The following RNFT2 variants were observed in gnomAD, a reference collection of about 807,000 sequenced individuals.
RNFT2 encodes the protein ring finger protein, transmembrane 2.
Under a neutral mutation model 53.0 loss-of-function variants are expected in RNFT2, and 36 were observed. That is an observed-to-expected ratio of 0.68 (90% confidence interval 0.52 to 0.90). The LOEUF is 0.90. Ranked by LOEUF, RNFT2 falls within the 40% of genes least tolerant of loss-of-function variation. The pLI is 0.00. For synonymous variants in RNFT2, 260 were observed against 253.2 expected (o/e 1.03, Z -0.26); for missense variants, 514 against 585.6 (o/e 0.88, Z 1.26).
intron 6 of RNFT2, among the ~76,000 whole-genome samples, chr12:116,774,179 T>TC (rs1873320629): frequency 6.6e-6 from 1 of 152,008 alleles, no homozygotes; most frequent in Non-Finnish European, 1.5e-5. Flanking sequence ...GGGTACAGAG[T>TC]CTCAGCTTTG....
chr12:116,814,044 A>T (rs1875514657), intron 7 of RNFT2, among the ~76,000 whole-genome samples: 1 of 152,218 alleles, frequency 6.6e-6, no homozygotes, highest in South Asian at 2.1e-4. Flanking sequence ...TAAGCAGAGG[A>T]AACGGGGCCT....
chr12:116,848,026 A>G (rs1877705883), intron 10 of RNFT2, among the ~76,000 whole-genome samples: 1 of 151,616 alleles, frequency 6.6e-6, no homozygotes, highest in African/African-American at 2.4e-5. Context: ...AGGCCCCAGT[A>G]TGTTGTTCCC....
intron 10 of RNFT2, among the ~76,000 whole-genome samples, chr12:116,843,452 C>A (rs1257962057): frequency 1.5e-5 from 2 of 129,120 alleles, no homozygotes; most frequent in Non-Finnish European, 3.1e-5. Flanking sequence ...TTAATCACAC[C>A]ACTGCACTCC....
At chr12:116,758,136 A>G (rs1872574595) in intron 5 of RNFT2, among the ~76,000 whole-genome samples, 1 of 152,210 alleles carries the variant, frequency 6.6e-6, no homozygotes, top group South Asian at 2.1e-4. Flanking sequence ...TGATATAAGA[A>G]TAGCTACCCC....
rs2137234902 is a variant in RNFT2, at chr12:116,852,793, C to T, written c.*3345C>T. 1.4e-6 allele frequency: 2 copies of T among 1,430,754 alleles called. No homozygotes were observed. The highest frequency in any genetic ancestry group is 2.3e-5 in the East Asian group (1 of 43,972). The allele number at this position is 1,430,754 out of a possible 1,614,324, so 88.6% of individuals were successfully genotyped here. A position where few individuals can be genotyped will look rare whatever the true frequency, so the allele number is the denominator to read the frequency against. Reference sequence around the variant, plus strand: ...ATTACTTTGGGAAGTCACTCAGCCTCCCTGTAGCCATCTCCAGGGTGACGG... The same window carrying T: ...ATTACTTTGGGAAGTCACTCAGCCTTCCTGTAGCCATCTCCAGGGTGACGG... On this transcript the variant is annotated 3_prime_UTR_variant, in exon 11 of 11. Transcript: ENST00000257575.
chr12:116,768,728 T>TTCTC (rs745642693), intron 6 of RNFT2, among the ~76,000 whole-genome samples: 7,117 of 148,678 alleles, frequency 0.048, 315 homozygotes, highest in African/African-American at 0.11. Context: ...TTTTTTATTT[T>TTCTC]TCTCTCTCTT....
At chr12:116,848,879 G>A (rs1409358173) in intron 10 of RNFT2, among the ~76,000 whole-genome samples, 1 of 152,022 alleles carries the variant, frequency 6.6e-6, no homozygotes, top group Non-Finnish European at 1.5e-5. Flanking sequence ...GAGTGCAGTG[G>A]CACAAACTCA....
At chr12:116,847,494 T>C (rs115079194) in intron 10 of RNFT2, among the ~76,000 whole-genome samples, 1,614 of 152,078 alleles carry the variant, frequency 0.011, 37 homozygotes, top group African/African-American at 0.037. Context: ...GTGGAACCCA[T>C]TGGTCTTTCC....
In RNFT2 at chr12:116,746,818, G is replaced by A. The variant is rs74442896; in HGVS notation, c.84-3023G>A. Among the ~76,000 whole-genome samples the A allele has an allele frequency of 9.8e-3, 1,491 of 152,270 alleles. 36 individuals carry two copies. The highest frequency in any genetic ancestry group is 0.034 in the African/African-American group (1,401 of 41,548). ...AGACCATGGGAAGGAACACAGAATG[G>A]GAAGCCCTGGGAGGGCTTTTAGTGG... On this transcript the variant is annotated intron_variant, in intron 3 of 10. Transcript: ENST00000257575.
intron 7 of RNFT2, among the ~76,000 whole-genome samples, chr12:116,794,573 G>A (rs1874396748): frequency 6.7e-6 from 1 of 150,324 alleles, no homozygotes; most frequent in South Asian, 2.1e-4. Context: ...ACTCCAGCCT[G>A]GGTGACAGAG....
chr12:116,764,739 A>G (rs928268218), intron 5 of RNFT2, among the ~76,000 whole-genome samples: 1 of 152,154 alleles, frequency 6.6e-6, no homozygotes, highest in Non-Finnish European at 1.5e-5. Context: ...TAAAAATACA[A>G]AAATTAGCTG....
At chr12:116,753,152 T>TC (rs1555258971) in intron 4 of RNFT2, among the ~76,000 whole-genome samples, 5 of 122,524 alleles carry the variant, frequency 4.1e-5, no homozygotes, top group Admixed American at 2.4e-4. Context: ...CTTTTTCTTT[T>TC]TTTTTTTTTT....
intron 5 of RNFT2, among the ~76,000 whole-genome samples, chr12:116,756,095 T>G (rs1347130107): frequency 6.6e-6 from 1 of 152,146 alleles, no homozygotes; most frequent in African/African-American, 2.4e-5. Context: ...TTTCTAATTC[T>G]GTGAAGAATG....
At chr12:116,774,023 T>C (rs566883295) in intron 6 of RNFT2, among the ~76,000 whole-genome samples, 11 of 152,348 alleles carry the variant, frequency 7.2e-5, no homozygotes, top group Admixed American at 2.0e-4. Flanking sequence ...GAGGACATTT[T>C]GTGAATTGAA....
chr12:116,790,915 C>A (rs563528196), intron 7 of RNFT2, among the ~76,000 whole-genome samples: 4 of 152,252 alleles, frequency 2.6e-5, no homozygotes, highest in Admixed American at 2.6e-4. Context: ...GAACCCTGAT[C>A]GCAGCACTGC....
At position 116,852,627 on chromosome 12, in the gene RNFT2, C is replaced by G; in HGVS notation, c.*3179C>G. 1 of 1,613,864 alleles carries G rather than the reference C, an allele frequency of 6.2e-7. No individual in the cohort carries two copies. The highest frequency in any genetic ancestry group is 2.2e-5 in the East Asian group (1 of 44,872). ...AGGAACTTCTGCAACTGGTTTTTAT[C>G]GGAAAGATCATCCTGCCTGCAGATG... On this transcript the variant is annotated 3_prime_UTR_variant, in exon 11 of 11. Transcript: ENST00000257575.
intron 5 of RNFT2, chr12:116,755,869 C>A: frequency 4.5e-6 from 7 of 1,551,242 alleles, no homozygotes; most frequent in Non-Finnish European, 6.2e-6. Flanking sequence ...CCTTTGTGTT[C>A]GTCATTTTGG....
intron 7 of RNFT2, among the ~76,000 whole-genome samples, chr12:116,780,543 C>T (rs1873650029): frequency 6.6e-6 from 1 of 151,408 alleles, no homozygotes; most frequent in Admixed American, 6.6e-5. Flanking sequence ...AGTCTAGTAC[C>T]AGTCTTCAGC....
At chr12:116,790,049 G>A (rs1874164555) in intron 7 of RNFT2, among the ~76,000 whole-genome samples, 1 of 152,086 alleles carries the variant, frequency 6.6e-6, no homozygotes, top group Non-Finnish European at 1.5e-5. Context: ...GCAAGAGCTT[G>A]GATTTCATTT....
Sources: allele counts gnomAD v4.1 joint callset (sites outside exome capture counted in the v4.1 genomes callset), GRCh38; gene constraint gnomAD v4.1.1; transcripts MANE v1.5; gene names NCBI Gene and HGNC (gene_info 2026-07-23, HGNC 2026-07-21).